The following PDE4D variants were observed in gnomAD, a reference collection of about 807,000 sequenced individuals.
PDE4D encodes the protein 3',5'-cyclic-AMP phosphodiesterase 4D.
PDE4D carries 24 observed loss-of-function variants against 87.4 expected under a neutral mutation model. The ratio of observed to expected loss-of-function variants is 0.27; its 90% CI spans 0.20 to 0.39. The LOEUF (loss-of-function observed/expected upper bound fraction) is 0.39, where lower values mean the gene tolerates loss of function less well. Ranked by LOEUF, PDE4D falls within the 10% of genes least tolerant of loss-of-function variation. The pLI is 1.00. For synonymous variants in PDE4D, 384 were observed against 383.2 expected (o/e 1.00, Z -0.02); for missense variants, 714 against 1,041.0 (o/e 0.69, Z 4.32).
intron 2 of PDE4D, among the ~76,000 whole-genome samples, chr5:60,005,690 A>G (rs1185165538): frequency 6.6e-6 from 1 of 151,998 alleles, no homozygotes; most frequent in Admixed American, 6.6e-5. Context: ...TCTCAAAATA[A>G]TAAAACATTA....
At chr5:59,011,111 A>C (rs1752712883) in intron 6 of PDE4D, among the ~76,000 whole-genome samples, 1 of 152,184 alleles carries the variant, frequency 6.6e-6, no homozygotes. Context: ...AACAAACAGA[A>C]AGGGCATCCA....
At chr5:60,064,514 A>G (rs10940659) in intron 2 of PDE4D, among the ~76,000 whole-genome samples, 65,977 of 151,964 alleles carry the variant, frequency 0.43, 15,068 homozygotes, top group East Asian at 0.78. Context: ...TGCAGGCAGC[A>G]CTACTTTGCA....
chr5:60,443,003 C>T (rs1208975859), intron 1 of PDE4D, among the ~76,000 whole-genome samples: 1 of 151,968 alleles, frequency 6.6e-6, no homozygotes, highest in African/African-American at 2.4e-5. Flanking sequence ...TTAATATCCA[C>T]TCTCAGGACA....
chr5:59,386,381 T>A (rs1786993351), intron 1 of PDE4D, among the ~76,000 whole-genome samples: 1 of 152,140 alleles, frequency 6.6e-6, no homozygotes, highest in African/African-American at 2.4e-5. Context: ...AAGAAAATAT[T>A]TCTTTTTATT....
intron 2 of PDE4D, among the ~76,000 whole-genome samples, chr5:59,214,779 T>C (rs1391670313): frequency 1.3e-5 from 2 of 152,142 alleles, no homozygotes; most frequent in African/African-American, 4.8e-5. Context: ...ATAGCAACCA[T>C]AGTTTGTAAA....
chr5:59,630,009 A>G (rs931414590), intron 1 of PDE4D, among the ~76,000 whole-genome samples: 6 of 152,220 alleles, frequency 3.9e-5, no homozygotes, highest in Non-Finnish European at 7.3e-5. Context: ...ATTAGTTTAT[A>G]TGGTTATGTC....
intron 5 of PDE4D, among the ~76,000 whole-genome samples, chr5:59,110,107 T>C (rs76834097): frequency 0.011 from 1,711 of 152,328 alleles, 38 homozygotes; most frequent in African/African-American, 0.039. Flanking sequence ...TTATGTACTA[T>C]TTAGCATTCT....
At chr5:59,375,393 G>A (rs1784542090) in intron 1 of PDE4D, among the ~76,000 whole-genome samples, 3 of 152,124 alleles carry the variant, frequency 2.0e-5, no homozygotes, top group African/African-American at 7.2e-5. Flanking sequence ...ACAACCATCA[G>A]AGAGTATTAT....
intron 1 of PDE4D, among the ~76,000 whole-genome samples, chr5:59,276,620 T>A (rs1366142054): frequency 1.3e-5 from 2 of 152,082 alleles, no homozygotes; most frequent in Admixed American, 1.3e-4. Flanking sequence ...AATTTTAAAC[T>A]GAAAAATTGA....
chr5:59,252,906 G>A (rs1760250167), intron 1 of PDE4D, among the ~76,000 whole-genome samples: 1 of 152,078 alleles, frequency 6.6e-6, no homozygotes. Flanking sequence ...AAATACCCAA[G>A]TGATACTTTC....
intron 5 of PDE4D, among the ~76,000 whole-genome samples, chr5:59,048,077 G>A (rs1052500099): frequency 2.6e-5 from 4 of 152,162 alleles, no homozygotes; most frequent in Non-Finnish European, 5.9e-5. Context: ...AGTACAGACC[G>A]TATATACCCA....
At chr5:59,403,695 T>G (rs751088663) in intron 1 of PDE4D, among the ~76,000 whole-genome samples, 1 of 152,224 alleles carries the variant, frequency 6.6e-6, no homozygotes, top group African/African-American at 2.4e-5. Context: ...ACATTTTCTT[T>G]ATTCATTCGT....
intron 6 of PDE4D, among the ~76,000 whole-genome samples, chr5:59,007,012 A>AAAC (rs1470656591): frequency 6.6e-6 from 1 of 152,204 alleles, no homozygotes; most frequent in Non-Finnish European, 1.5e-5. Context: ...CAAAAAAAGA[A>AAAC]AACTATTTCA....
intron 5 of PDE4D, among the ~76,000 whole-genome samples, chr5:59,171,729 G>A (rs1214056110): frequency 4.1e-5 from 6 of 146,220 alleles, no homozygotes; most frequent in Non-Finnish European, 8.9e-5. Context: ...AATTTATCAG[G>A]GAGCATTTCC....
chr5:60,101,398 A>G (rs1776203910), intron 2 of PDE4D, among the ~76,000 whole-genome samples: 1 of 152,120 alleles, frequency 6.6e-6, no homozygotes, highest in East Asian at 1.9e-4. Context: ...CTCAGGGCAC[A>G]ACATCTTATA....
chr5:59,456,603 T>G (rs1582692809), intron 1 of PDE4D, among the ~76,000 whole-genome samples: 1 of 152,228 alleles, frequency 6.6e-6, no homozygotes, highest in Non-Finnish European at 1.5e-5. Flanking sequence ...ATTTCAAGTC[T>G]TATTATTTAA....
At chr5:59,574,027 T>TAA (rs1182960099) in intron 1 of PDE4D, among the ~76,000 whole-genome samples, 2 of 120,186 alleles carry the variant, frequency 1.7e-5, no homozygotes, top group African/African-American at 6.9e-5. Flanking sequence ...TATATATATA[T>TAA]AAAAATATAT....
intron 1 of PDE4D, among the ~76,000 whole-genome samples, chr5:60,508,251 T>C (rs1264073962): frequency 2.0e-5 from 3 of 152,226 alleles, no homozygotes; most frequent in African/African-American, 4.8e-5. Context: ...CTCTAGTCGA[T>C]ACCTGTTCCA....
intron 4 of PDE4D, among the ~76,000 whole-genome samples, 170 bp downstream of exon 4, chr5:59,185,019 A>G (rs562358987): frequency 3.3e-5 from 5 of 152,330 alleles, no homozygotes; most frequent in African/African-American, 1.2e-4. Context: ...TATTAGAACC[A>G]TCACCACGAA....
Sources: gnomAD v4.1 joint callset for allele counts (sites outside exome capture counted in the v4.1 genomes callset) on GRCh38, gnomAD v4.1.1 for gene constraint, MANE v1.5 for transcripts, NCBI Gene and HGNC (gene_info 2026-07-23, HGNC 2026-07-21) for gene names.